ARHGAP6: variants seen among roughly 807,000 people sequenced by gnomAD.
ARHGAP6 encodes the protein Rho GTPase activating protein 6.
In ARHGAP6, 16 loss-of-function variants were observed where a neutral mutation model predicts 55.7. The ratio of observed to expected loss-of-function variants is 0.29; its 90% confidence interval spans 0.19 to 0.44. The LOEUF is 0.44. Ranked by LOEUF, ARHGAP6 falls within the 20% of genes least tolerant of loss-of-function variation. The pLI is 1.00. For synonymous variants in ARHGAP6, 382 were observed against 360.9 expected (o/e 1.06, Z -0.66); for missense variants, 698 against 808.9 (o/e 0.86, Z 1.66).
chrX:11,197,045 T>C (rs1283386466), intron 2 of ARHGAP6, 49 bp from the exon 3 acceptor site: 1 of 624,204 alleles, frequency 1.6e-6, no homozygotes, highest in South Asian at 2.5e-5. Context: ...ATAAGTGATA[T>C]TTTACAGTAT....
At chrX:11,561,966 A>C (rs1425621194) in intron 1 of ARHGAP6, among the ~76,000 whole-genome samples, 1 of 112,177 alleles carries the variant, frequency 8.9e-6, no homozygotes, top group East Asian at 2.8e-4. Context: ...CCTACCACAG[A>C]AGCTGCTGGG....
At chrX:11,387,223 A>G (rs933855644) in intron 1 of ARHGAP6, among the ~76,000 whole-genome samples, 1 of 111,654 alleles carries the variant, frequency 9.0e-6, no homozygotes, top group African/African-American at 3.3e-5. Context: ...CCCTGACTGC[A>G]CTCTAGAATT....
chrX:11,325,683 C>T (rs767662516), intron 1 of ARHGAP6, among the ~76,000 whole-genome samples: 5 of 112,104 alleles, frequency 4.5e-5, no homozygotes, highest in African/African-American at 1.3e-4. Flanking sequence ...CTAAAATATA[C>T]CTCATTTGAA....
In ARHGAP6 at chrX:11,592,348, T is replaced by C. The variant is rs759066703; in HGVS notation, c.588+71893A>G. 1.2e-4 allele frequency among the ~76,000 whole-genome samples: 14 copies of C among 112,140 alleles called. No homozygotes were observed. In the South Asian group the frequency reaches 3.8e-3, roughly 30 times the overall value. Reference sequence around the variant, plus strand: ...TTCACAGAAACTTGTTGTGGTTCTTTGTGTGCCACAGCCTAAGGTTGATCC... The same window carrying C: ...TTCACAGAAACTTGTTGTGGTTCTTCGTGTGCCACAGCCTAAGGTTGATCC... On this transcript the variant is annotated intron_variant, in intron 1 of 12. Transcript: ENST00000337414.
At chrX:11,568,056 G>A in intron 1 of ARHGAP6, among the ~76,000 whole-genome samples, 1 of 111,528 alleles carries the variant, frequency 9.0e-6, no homozygotes, top group South Asian at 3.8e-4. Context: ...AGAGTTTTAG[G>A]TGTTCCAAAC....
Position 11,259,001 on chromosome X carries a change from TTTAAG to T in ARHGAP6, c.589-4299_589-4295del, listed in dbSNP as rs765397559. ...AATTACAAACCATCCAATTCCACTC[TTTAAG>T]TTATTTTAAAAATGTACAGTTAAGT... On this transcript the variant is annotated intron_variant, in intron 1 of 12. Coordinates refer to ENST00000337414, the MANE Select transcript of ARHGAP6 (RefSeq NM_013427.3). 9.8e-5 allele frequency among the ~76,000 whole-genome samples: 11 copies of T among 111,847 alleles called. No homozygotes were observed. The East Asian group carries it at 1.1e-3, about 11-fold the overall frequency.
chrX:11,595,010 G>A (rs894283291), intron 1 of ARHGAP6, among the ~76,000 whole-genome samples: 6 of 111,888 alleles, frequency 5.4e-5, no homozygotes, highest in African/African-American at 2.0e-4. Context: ...TGAATGATCA[G>A]TCGGGCGCAG....
intron 1 of ARHGAP6, among the ~76,000 whole-genome samples, chrX:11,637,322 A>G (rs1331150889): frequency 1.8e-5 from 2 of 111,530 alleles, no homozygotes; most frequent in Non-Finnish European, 3.8e-5. Context: ...GTTGATGTTC[A>G]GGGCAATTCC....
intron 1 of ARHGAP6, among the ~76,000 whole-genome samples, chrX:11,280,476 T>C: frequency 8.9e-6 from 1 of 111,924 alleles, no homozygotes; most frequent in Non-Finnish European, 1.9e-5. Flanking sequence ...TTTGTTAGTC[T>C]TGCCTTGTAG....
intron 1 of ARHGAP6, among the ~76,000 whole-genome samples, chrX:11,470,021 G>A (rs185844927): frequency 2.7e-5 from 3 of 111,615 alleles, no homozygotes; most frequent in African/African-American, 9.8e-5. Context: ...GGGAAGATGG[G>A]CCTAACTGGA....
At chrX:11,225,436 A>G (rs1455867022) in intron 2 of ARHGAP6, among the ~76,000 whole-genome samples, 1 of 111,094 alleles carries the variant, frequency 9.0e-6, no homozygotes, top group African/African-American at 3.3e-5. Context: ...TAGGACATAC[A>G]TGTTGAATAT....
intron 2 of ARHGAP6, among the ~76,000 whole-genome samples, chrX:11,199,930 T>C (rs1602846440): frequency 8.9e-6 from 1 of 112,631 alleles, no homozygotes; most frequent in East Asian, 2.8e-4. Context: ...CTTATTCCTC[T>C]TCTCCTTTGT....
chrX:11,572,409 A>G (rs184292746), intron 1 of ARHGAP6, among the ~76,000 whole-genome samples: 8 of 109,599 alleles, frequency 7.3e-5, no homozygotes, highest in African/African-American at 2.0e-4. Context: ...TCATTGTTCA[A>G]TTTCCACCTA....
intron 1 of ARHGAP6, among the ~76,000 whole-genome samples, chrX:11,606,567 A>G (rs1037078676): frequency 1.8e-5 from 2 of 111,539 alleles, no homozygotes; most frequent in Non-Finnish European, 3.8e-5. Context: ...GGGTCACATC[A>G]TTAGTTAAAG....
chrX:11,566,140 C>A (rs1031255127), intron 1 of ARHGAP6, among the ~76,000 whole-genome samples: 1 of 111,851 alleles, frequency 8.9e-6, no homozygotes, highest in Non-Finnish European at 1.9e-5. Context: ...GTTGGTGATG[C>A]AGAAAATATG....
chrX:11,179,680 C>T (rs1324417395), intron 6 of ARHGAP6, among the ~76,000 whole-genome samples: 6 of 103,497 alleles, frequency 5.8e-5, no homozygotes, highest in Non-Finnish European at 9.8e-5. Flanking sequence ...TGAGTATACA[C>T]ATGTATATAT....
At chrX:11,515,305 T>C (rs1271586108) in intron 1 of ARHGAP6, among the ~76,000 whole-genome samples, 1 of 112,448 alleles carries the variant, frequency 8.9e-6, no homozygotes, top group African/African-American at 3.2e-5. Context: ...CATAAGTTTG[T>C]GAAATCATTC....
chrX:11,588,210 T>A (rs975299090), intron 1 of ARHGAP6, among the ~76,000 whole-genome samples: 2 of 111,775 alleles, frequency 1.8e-5, no homozygotes, highest in Non-Finnish European at 1.9e-5. Context: ...TGCAACATTT[T>A]GAAAAGTAAT....
At chrX:11,174,631 C>CT (rs1317486399) in intron 8 of ARHGAP6, among the ~76,000 whole-genome samples, 655 of 26,610 alleles carry the variant, frequency 0.025, 4 homozygotes, top group East Asian at 0.045. Flanking sequence ...TCTTTTCTTT[C>CT]TTTCTTTCTT....
Sources: allele counts gnomAD v4.1 joint callset (sites outside exome capture counted in the v4.1 genomes callset), GRCh38; gene constraint gnomAD v4.1.1; transcripts MANE v1.5; gene names NCBI Gene and HGNC (gene_info 2026-07-23, HGNC 2026-07-21).